Variants in MAST2 observed in about 807,000 individuals in gnomAD.
MAST2 encodes the protein microtubule-associated serine/threonine-protein kinase 2.
Under a neutral mutation model 147.4 loss-of-function variants are expected in MAST2, and 70 were observed. That is an observed-to-expected ratio of 0.47 (90% CI 0.39 to 0.58). MAST2 has a LOEUF of 0.58. Among genes scored for constraint, MAST2 ranks in the 20% least tolerant of loss-of-function variants. The pLI is 0.00. For synonymous variants in MAST2, 869 were observed against 896.8 expected (o/e 0.97, Z 0.55); for missense variants, 2,080 against 2,302.3 (o/e 0.90, Z 1.98).
intron 1 of MAST2, among the ~76,000 whole-genome samples, chr1:45,819,541 G>A (rs1227393801): frequency 6.6e-6 from 1 of 152,146 alleles, no homozygotes; most frequent in Non-Finnish European, 1.5e-5. Context: ...ACAGAGATCA[G>A]TAGTGTTTCT....
chr1:45,880,966 C>CAAAAAA (rs10660375), intron 3 of MAST2, among the ~76,000 whole-genome samples: 1 of 89,858 alleles, frequency 1.1e-5, no homozygotes, highest in African/African-American at 4.1e-5. Flanking sequence ...GACTCCATCT[C>CAAAAAA]AAAAAAAAAA....
intron 3 of MAST2, among the ~76,000 whole-genome samples, chr1:45,851,987 TG>T (rs2147995412): frequency 6.6e-6 from 1 of 152,320 alleles, no homozygotes; most frequent in Non-Finnish European, 1.5e-5. Flanking sequence ...AAAATACTTA[TG>T]GTTGCATAGG....
intron 6 of MAST2, among the ~76,000 whole-genome samples, chr1:46,002,542 A>G (rs1295704292): frequency 6.6e-6 from 1 of 152,250 alleles, no homozygotes; most frequent in African/African-American, 2.4e-5. Context: ...TTCCAAAACC[A>G]CAGTATTATA....
chr1:45,964,394 G>T (rs1004928063), intron 5 of MAST2, among the ~76,000 whole-genome samples: 1 of 152,060 alleles, frequency 6.6e-6, no homozygotes, highest in South Asian at 2.1e-4. Context: ...CAATTTCAGA[G>T]CCTGTCATTG....
At chr1:45,853,086 A>G (rs1337483178) in intron 3 of MAST2, among the ~76,000 whole-genome samples, 1 of 152,040 alleles carries the variant, frequency 6.6e-6, no homozygotes, top group East Asian at 1.9e-4. Flanking sequence ...GCCTACCACC[A>G]TGCTCACTAA....
Position 45,951,507 on chromosome 1 carries a change from C to T in MAST2, c.501-7879C>T, listed in dbSNP as rs1025139124. Among the ~76,000 whole-genome samples the T allele has an allele frequency of 3.3e-5, 5 of 151,988 alleles. 1 individual carries two copies. The South Asian group carries it at 1.0e-3, about 32-fold the overall frequency. On this transcript the variant is annotated intron_variant, in intron 4 of 28. Transcript: ENST00000361297. ...CTGAGGTGGGAGGATCACCTGAGCC[C>T]AGGAAATAGAGGCAACAGTGAGTGG... is the stretch of plus-strand genomic sequence containing the variant.
At chr1:45,950,521 G>T (rs1368112888) in intron 4 of MAST2, among the ~76,000 whole-genome samples, 1 of 152,176 alleles carries the variant, frequency 6.6e-6, no homozygotes, top group African/African-American at 2.4e-5. Context: ...CTACCTGTAA[G>T]CCTTCACTTA....
chr1:46,017,089 T>G (rs1349217943), intron 10 of MAST2, among the ~76,000 whole-genome samples: 1 of 152,186 alleles, frequency 6.6e-6, no homozygotes, highest in Admixed American at 6.5e-5. Context: ...ATTCCCTATT[T>G]AATAAATGGT....
chr1:45,986,736 A>G (rs1358313865), intron 5 of MAST2, among the ~76,000 whole-genome samples: 10 of 141,972 alleles, frequency 7.0e-5, no homozygotes, highest in Non-Finnish European at 1.5e-4. Flanking sequence ...AAAAAAAAAA[A>G]AGAATATTCT....
chr1:46,028,693 G>C, intron 17 of MAST2, 75 bp from the exon 18 acceptor site: 1 of 1,499,556 alleles, frequency 6.7e-7, no homozygotes, highest in South Asian at 1.2e-5. Context: ...CGAGATGGGA[G>C]CATCCCCCAT....
intron 3 of MAST2, among the ~76,000 whole-genome samples, chr1:45,849,912 G>A (rs1645570535): frequency 6.6e-6 from 1 of 152,162 alleles, no homozygotes; most frequent in Non-Finnish European, 1.5e-5. Flanking sequence ...TGATTAACAT[G>A]TGAGTACATG....
chr1:46,024,754 G>A (rs1457275312), intron 15 of MAST2, among the ~76,000 whole-genome samples: 1 of 152,150 alleles, frequency 6.6e-6, no homozygotes, highest in African/African-American at 2.4e-5. Flanking sequence ...TTTTAATAAA[G>A]GCCTGGGTTC....
At position 46,034,804 on chromosome 1, in the gene MAST2, C is replaced by T; in HGVS notation, c.4135C>T (p.His1379Tyr). 1 of 1,614,008 alleles carries T rather than the reference C, an allele frequency of 6.2e-7. No individual in the cohort carries two copies. The highest frequency in any genetic ancestry group is 8.5e-7 in the Non-Finnish European group (1 of 1,180,024). Residue 1379 changes from histidine to tyrosine, a missense_variant, in exon 29 of 29, where the codon CAC becomes TAC. His to Tyr is a moderately conservative substitution (Grantham distance 83). Around this residue, in one of 4 missense-constraint regions of MAST2, gnomAD observed 1,278 missense variants for 1,304.2 expected, o/e 0.98. Transcript: ENST00000361297. ...HVAQAFPTKL[H>Y]LSPPLGRQLS... ...AGCCCAGGCCTTTCCCACAAAGCTTCACTTGTCACCTCCCCTGGGCAGGCA... is the reference window on the plus strand; with the variant it reads ...AGCCCAGGCCTTTCCCACAAAGCTTTACTTGTCACCTCCCCTGGGCAGGCA...
chr1:46,028,707 C>T lies in MAST2; in HGVS notation c.2053-61C>T, dbSNP rs115716768. The T allele has an allele frequency of 8.8e-4, 1,393 of 1,577,016 alleles. 13 individuals are homozygous for T. The African/African-American group carries it at 0.016, about 18-fold the overall frequency. On this transcript the variant is annotated intron_variant, in intron 17 of 28. Coordinates refer to ENST00000361297, the MANE Select transcript of MAST2 (RefSeq NM_015112.3). ...TCGAGATGGGAGCATCCCCCATCTC[C>T]GGCTGTCATGCCAGTCAGCAGCCTC...
intron 26 of MAST2, among the ~76,000 whole-genome samples, chr1:46,033,487 C>G (rs1017463498): frequency 6.6e-6 from 1 of 151,546 alleles, no homozygotes; most frequent in Admixed American, 6.6e-5. Flanking sequence ...GAATGTGGCA[C>G]AACAGAGAGT....
intron 3 of MAST2, among the ~76,000 whole-genome samples, chr1:45,870,760 TAA>T (rs1055546657): frequency 7.0e-6 from 1 of 142,224 alleles, no homozygotes. Context: ...CTGTACAAAT[TAA>T]AAAAAAAAAA....
intron 4 of MAST2, among the ~76,000 whole-genome samples, chr1:45,888,929 G>A (rs112507396): frequency 2.0e-5 from 3 of 151,568 alleles, no homozygotes; most frequent in Non-Finnish European, 2.9e-5. Context: ...CATCCGCCTC[G>A]GCCTCCCAAG....
At chr1:45,892,733 C>A (rs1320098173) in intron 4 of MAST2, among the ~76,000 whole-genome samples, 1 of 152,142 alleles carries the variant, frequency 6.6e-6, no homozygotes, top group East Asian at 1.9e-4. Context: ...TTCAGACAGG[C>A]CTCAGCACAA....
chr1:45,848,412 C>T (rs1645513088), intron 3 of MAST2, among the ~76,000 whole-genome samples: 1 of 152,160 alleles, frequency 6.6e-6, no homozygotes, highest in East Asian at 1.9e-4. Flanking sequence ...CAAGAGGGTG[C>T]CTGTGTGAGC....
Sources: gnomAD v4.1 joint callset for allele counts (sites outside exome capture counted in the v4.1 genomes callset) on GRCh38, gnomAD v4.1.1 for gene constraint, gnomAD v4.1.1 regional missense constraint, MANE v1.5 for transcripts, NCBI Gene and HGNC (gene_info 2026-07-23, HGNC 2026-07-21) for gene names.